LDLRAD4: variants seen among roughly 807,000 people sequenced by gnomAD.
The protein encoded by LDLRAD4 is low density lipoprotein receptor class A domain containing 4.
Under a neutral mutation model 17.0 loss-of-function variants are expected in LDLRAD4, and 5 were observed. The ratio of observed to expected loss-of-function variants is 0.29; its 90% CI spans 0.15 to 0.62. The LOEUF (loss-of-function observed/expected upper bound fraction) is 0.62. LDLRAD4 is among the 20% of genes least tolerant of loss of function. The probability of loss-of-function intolerance (pLI) is 0.84; values close to 1 mark genes in which losing one functional copy is unlikely to be tolerated. For synonymous variants in LDLRAD4, 168 were observed against 171.8 expected (o/e 0.98, Z 0.17); for missense variants, 340 against 424.7 (o/e 0.80, Z 1.75).
chr18:13,333,813 A>G lies in LDLRAD4; in HGVS notation c.-382-53528A>G, dbSNP rs539539346. On this transcript the variant is annotated intron_variant, in intron 1 of 5. Transcript: ENST00000359446. ...ACTGTCTCCATTACTGTAGATTTAT[A>G]ATAAGTCTTAAAGTCAGGTAGTGCT... 2.0e-5 allele frequency among the ~76,000 whole-genome samples: 3 copies of G among 152,308 alleles called. No individual in the cohort carries two copies. The East Asian group carries it at 5.8e-4, about 29-fold the overall frequency.
intron 1 of LDLRAD4, among the ~76,000 whole-genome samples, chr18:13,327,293 G>A (rs906241680): frequency 5.9e-5 from 9 of 152,094 alleles, no homozygotes; most frequent in Non-Finnish European, 1.3e-4. Flanking sequence ...TACCTCCAGG[G>A]CACAGCATCT....
intron 1 of LDLRAD4, among the ~76,000 whole-genome samples, chr18:13,345,279 T>C (rs2082615119): frequency 6.6e-6 from 1 of 152,078 alleles, no homozygotes; most frequent in Non-Finnish European, 1.5e-5. Context: ...TTATTGAGAG[T>C]TTTTAGCATG....
intron 3 of LDLRAD4, among the ~76,000 whole-genome samples, chr18:13,597,472 A>G (rs1284680710): frequency 6.6e-6 from 1 of 150,952 alleles, no homozygotes; most frequent in Admixed American, 6.6e-5. Context: ...GTACATTTTC[A>G]GCCATTATTC....
intron 2 of LDLRAD4, among the ~76,000 whole-genome samples, chr18:13,415,658 G>C (rs894518152): frequency 1.3e-5 from 2 of 152,214 alleles, no homozygotes; most frequent in African/African-American, 4.8e-5. Flanking sequence ...CAGGTTACTA[G>C]AGAGGCAAAC....
chr18:13,578,412 C>T (rs1394921479), intron 3 of LDLRAD4, among the ~76,000 whole-genome samples: 2 of 152,184 alleles, frequency 1.3e-5, no homozygotes, highest in Non-Finnish European at 2.9e-5. Flanking sequence ...GGATGGTCTC[C>T]CACTTCCACC....
intron 3 of LDLRAD4, among the ~76,000 whole-genome samples, chr18:13,586,159 G>A (rs993519182): frequency 4.0e-5 from 6 of 151,792 alleles, no homozygotes; most frequent in African/African-American, 1.5e-4. Context: ...CTGTAACCCA[G>A]CATTTTGGGA....
At chr18:13,426,668 C>A (rs1193043504) in intron 2 of LDLRAD4, among the ~76,000 whole-genome samples, 4 of 152,212 alleles carry the variant, frequency 2.6e-5, no homozygotes, top group Non-Finnish European at 4.4e-5. Context: ...AAAAGCCATT[C>A]TTTTAAGTAC....
At chr18:13,282,380 G>T (rs112922674) in intron 1 of LDLRAD4, among the ~76,000 whole-genome samples, 11,188 of 152,226 alleles carry the variant, frequency 0.073, 564 homozygotes, top group Non-Finnish European at 0.11. Context: ...CTGCCTGTGA[G>T]CCTGTAAAAT....
intron 2 of LDLRAD4, among the ~76,000 whole-genome samples, chr18:13,414,235 G>A (rs1198306050): frequency 6.6e-6 from 1 of 152,230 alleles, no homozygotes; most frequent in Non-Finnish European, 1.5e-5. Flanking sequence ...AGGCATCCTT[G>A]GGAGATGCCT....
chr18:13,294,334 G>A (rs994022257), intron 1 of LDLRAD4, among the ~76,000 whole-genome samples: 4 of 152,204 alleles, frequency 2.6e-5, no homozygotes, highest in South Asian at 2.1e-4. Flanking sequence ...CGGCCCAGCC[G>A]GTGTGCGGAA....
intron 2 of LDLRAD4, among the ~76,000 whole-genome samples, chr18:13,397,164 C>T (rs2086770847): frequency 6.6e-6 from 1 of 151,896 alleles, no homozygotes; most frequent in Non-Finnish European, 1.5e-5. Flanking sequence ...TAGACGGAGT[C>T]TCTCTCTGTC....
At chr18:13,268,268 T>TC (rs377105629) in intron 1 of LDLRAD4, among the ~76,000 whole-genome samples, 11 of 152,168 alleles carry the variant, frequency 7.2e-5, no homozygotes, top group African/African-American at 2.7e-4. Flanking sequence ...TTTACCCTCC[T>TC]CCCCCCTCGG....
intron 5 of LDLRAD4, 165 bp from the exon 7 acceptor site, chr18:13,644,961 CT>C (rs976634506): frequency 1.4e-5 from 9 of 643,992 alleles, no homozygotes; most frequent in East Asian, 2.8e-5. Flanking sequence ...GAAAAGTACA[CT>C]TTTTTTTCTG....
chr18:13,537,967 A>C (rs2094223079), intron 3 of LDLRAD4, among the ~76,000 whole-genome samples: 1 of 152,214 alleles, frequency 6.6e-6, no homozygotes, highest in South Asian at 2.1e-4. Context: ...TATTGGCACA[A>C]AATTATTTAT....
chr18:13,414,892 G>GT (rs2088729570), intron 2 of LDLRAD4, among the ~76,000 whole-genome samples: 1 of 152,194 alleles, frequency 6.6e-6, no homozygotes, highest in African/African-American at 2.4e-5. Context: ...CTATGGAAGT[G>GT]TTTTTTGGGC....
intron 1 of LDLRAD4, among the ~76,000 whole-genome samples, chr18:13,355,726 G>C (rs1217927330): frequency 1.3e-5 from 2 of 152,156 alleles, no homozygotes; most frequent in South Asian, 4.2e-4. Flanking sequence ...CAAGCTCCTG[G>C]GCTCAAGGGA....
chr18:13,512,917 T>C (rs1177185048), intron 3 of LDLRAD4, among the ~76,000 whole-genome samples: 2 of 152,246 alleles, frequency 1.3e-5, no homozygotes, highest in African/African-American at 2.4e-5. Context: ...TTTTATACGT[T>C]ACCCTATCCT....
chr18:13,335,031 TTTTC>T (rs2082041341), intron 1 of LDLRAD4, among the ~76,000 whole-genome samples: 3 of 152,218 alleles, frequency 2.0e-5, no homozygotes, highest in Admixed American at 6.5e-5. Context: ...TTTCAAGTCT[TTTTC>T]ATTATGTGAC....
At chr18:13,443,274 C>A (rs1256735351) in intron 3 of LDLRAD4, among the ~76,000 whole-genome samples, 1 of 152,206 alleles carries the variant, frequency 6.6e-6, no homozygotes, top group African/African-American at 2.4e-5. Flanking sequence ...TGGCATCCTA[C>A]TTGTCACCTG....
Sources: allele counts gnomAD v4.1 joint callset (sites outside exome capture counted in the v4.1 genomes callset), GRCh38; gene constraint gnomAD v4.1.1; transcripts MANE v1.5; gene names NCBI Gene and HGNC (gene_info 2026-07-23, HGNC 2026-07-21).